Variants in FOXN3 observed in about 807,000 individuals in gnomAD.
The protein encoded by FOXN3 is forkhead box N3.
Under a neutral mutation model 38.4 loss-of-function variants are expected in FOXN3, and 7 were observed. The observed-to-expected ratio is 0.18, with a 90% CI of 0.10 to 0.34. FOXN3 has a LOEUF of 0.34. Among genes scored for constraint, FOXN3 ranks in the 10% least tolerant of loss-of-function variants. The probability of loss-of-function intolerance (pLI) is 1.00; values close to 1 mark genes in which losing one functional copy is unlikely to be tolerated. For missense variants in FOXN3, 456 were observed against 613.4 expected (o/e 0.74, Z 2.71); for synonymous variants, 230 against 242.2 (o/e 0.95, Z 0.47).
chr14:89,348,158 A>G (rs1888824234), intron 3 of FOXN3, among the ~76,000 whole-genome samples: 2 of 151,782 alleles, frequency 1.3e-5, no homozygotes, highest in Admixed American at 1.3e-4. Context: ...TAGTATAATC[A>G]CCATCTTCTT....
intron 1 of FOXN3, among the ~76,000 whole-genome samples, chr14:89,568,261 C>T (rs1023034931): frequency 1.3e-5 from 2 of 152,178 alleles, no homozygotes; most frequent in Non-Finnish European, 2.9e-5. Context: ...ACCTGGTCTC[C>T]GTGACTGCAC....
intron 2 of FOXN3, among the ~76,000 whole-genome samples, chr14:89,402,434 C>T (rs1891273869): frequency 6.6e-6 from 1 of 152,220 alleles, no homozygotes; most frequent in Non-Finnish European, 1.5e-5. Flanking sequence ...GTAACATTTG[C>T]CTCCTAAACA....
At chr14:89,415,847 TAC>T (rs5810462) in intron 1 of FOXN3, among the ~76,000 whole-genome samples, 7,190 of 140,424 alleles carry the variant, frequency 0.051, 220 homozygotes, top group African/African-American at 0.059. Context: ...AACTTTTCTC[TAC>T]ACACACACAC....
chr14:89,416,724 C>T (rs1231542128), intron 1 of FOXN3, 147 bp downstream of exon 1: 7 of 152,280 alleles, frequency 4.6e-5, no homozygotes, highest in Non-Finnish European at 8.8e-5. Context: ...TCCCGGGGTC[C>T]ACACCCGACC....
chr14:89,378,863 C>T (rs764229353), intron 2 of FOXN3, among the ~76,000 whole-genome samples: 9 of 152,072 alleles, frequency 5.9e-5, no homozygotes, highest in Admixed American at 6.5e-5. Flanking sequence ...CACACCACCA[C>T]GTCCAGCTAA....
At chr14:89,478,839 C>T (rs181802103) in intron 1 of FOXN3, among the ~76,000 whole-genome samples, 8 of 145,970 alleles carry the variant, frequency 5.5e-5, no homozygotes, top group African/African-American at 1.0e-4. Flanking sequence ...GGCTGAGGCA[C>T]GAGAATCGCT....
intron 2 of FOXN3, among the ~76,000 whole-genome samples, chr14:89,395,231 G>C (rs1428603265): frequency 6.6e-6 from 1 of 152,176 alleles, no homozygotes; most frequent in Non-Finnish European, 1.5e-5. Context: ...GTCCCCTGTG[G>C]CAAGTAGTTC....
Position 89,162,698 on chromosome 14 carries a change from C to T in FOXN3, c.1123G>A (p.Asp375Asn), listed in dbSNP as rs149344132. ...GGCTCCTTCTGGCTGTGCTTCCTGT[C>T]GTCCTCTTCCGTGTCGCTGGGGCTC... ...HESPSDTEED[D>N]RKHSQKEPKD... The change falls in exon 6 of 6, where the codon GAC becomes AAC. Residue 375 changes from aspartate (D) to asparagine (N), a missense_variant. By Grantham distance (23) the Asp-to-Asn change is conservative. Around this residue, in one of 3 missense-constraint regions of FOXN3, gnomAD observed 386 missense variants for 505.2 expected, o/e 0.76. Coordinates refer to ENST00000557258, the MANE Select transcript of FOXN3 (RefSeq NM_005197.4). This position sits in a 1 kb window ranked among gnomAD's most constrained non-coding sequence, Gnocchi z 7.2. 435 of 1,614,024 alleles carry T rather than the reference C, an allele frequency of 2.7e-4. 1 individual carries two copies. Among genetic ancestry groups the T allele is most frequent in the Middle Eastern group, 9.9e-4 (6 of 6,062 alleles).
At chr14:89,522,746 T>A (rs564930015) in intron 1 of FOXN3, among the ~76,000 whole-genome samples, 2 of 144,620 alleles carry the variant, frequency 1.4e-5, no homozygotes, top group African/African-American at 2.6e-5. Context: ...GCTATTAAAG[T>A]AAACAAAGGA....
rs150302753 is a variant in FOXN3, at chr14:89,164,057, T to C, written c.852-1088A>G. On this transcript the variant is annotated intron_variant, in intron 5 of 5. Transcript: ENST00000557258. The surrounding 1 kb of genome is among the most constrained non-coding windows in gnomAD (Gnocchi z 4.3). ...GAATAGTAACTACACCTGCTCCCCG[T>C]GGGTGTGGGGCTGAGGACACGAATT... 2.1e-3 allele frequency among the ~76,000 whole-genome samples: 318 copies of C among 152,332 alleles called. 3 individuals are homozygous for C. Among genetic ancestry groups the C allele is most frequent in the African/African-American group, 7.2e-3 (301 of 41,574 alleles).
chr14:89,268,978 T>C (rs1886065813), intron 4 of FOXN3, among the ~76,000 whole-genome samples: 1 of 152,206 alleles, frequency 6.6e-6, no homozygotes, highest in South Asian at 2.1e-4. Flanking sequence ...TCCCAGAGCC[T>C]GAGAAATACA....
chr14:89,378,044 T>C (rs1890534112), intron 2 of FOXN3, among the ~76,000 whole-genome samples: 1 of 152,186 alleles, frequency 6.6e-6, no homozygotes, highest in Non-Finnish European at 1.5e-5. Flanking sequence ...TCCAGAACTG[T>C]GAGAAAATAA....
In FOXN3 at chr14:89,614,292, A is replaced by C. The variant is rs371465772; in HGVS notation, c.-15+4736T>G. Among the ~76,000 whole-genome samples, 22 of 152,308 alleles carry C rather than the reference A, an allele frequency of 1.4e-4. No homozygotes were observed. The East Asian group carries it at 4.2e-3, about 29-fold the overall frequency. ...GAATAAAGCCATGCATTTCCAGCAA[A>C]ATTATAACCAACTAATCTCAAACAC... is the stretch of plus-strand genomic sequence containing the variant. On this transcript the variant is annotated intron_variant, in intron 1 of 6. Transcript: ENST00000345097.
At chr14:89,360,774 T>TCCAGCACCACCTCCACCACCACCACCA (rs1566966455) in intron 2 of FOXN3, among the ~76,000 whole-genome samples, 3 of 34,568 alleles carry the variant, frequency 8.7e-5, no homozygotes, top group Non-Finnish European at 1.6e-4. Flanking sequence ...CACTACCACC[T>TCCAGCACCACCTCCACCACCACCACCA]CCACCACCAC....
chr14:89,606,614 C>T (rs1052112335), intron 1 of FOXN3, among the ~76,000 whole-genome samples: 4 of 152,260 alleles, frequency 2.6e-5, no homozygotes, highest in African/African-American at 9.6e-5. Flanking sequence ...CTTTGGGAGT[C>T]CGAGGTAGGC....
chr14:89,416,389 A>T (rs574666656), intron 1 of FOXN3, among the ~76,000 whole-genome samples: 19 of 152,180 alleles, frequency 1.2e-4, no homozygotes, highest in Admixed American at 1.2e-3. Context: ...CCGTCCCCCA[A>T]CTTATCCAGG....
chr14:89,160,664 A>T lies in FOXN3; in HGVS notation c.*1750T>A, dbSNP rs1887075975. On this transcript the variant is annotated 3_prime_UTR_variant, in exon 6 of 6. Transcript: ENST00000557258. ...CTCAAATTATTGCGTCATGTTAAAC[A>T]TGTACAGACAGAGAGAAAGGACACA... is the stretch of plus-strand genomic sequence containing the variant. 6.6e-6 allele frequency: 1 copy of T among 152,662 alleles called. No homozygotes were observed. Among genetic ancestry groups the T allele is most frequent in the Admixed American group, 6.5e-5 (1 of 15,290 alleles). 9.5% of individuals were successfully genotyped at this position (152,662 alleles called of 1,614,324 possible).
chr14:89,537,441 TTGGATGGA>T (rs10588872), intron 1 of FOXN3, among the ~76,000 whole-genome samples: 2,346 of 149,676 alleles, frequency 0.016, 27 homozygotes, highest in African/African-American at 0.03. Context: ...CCATGAAATG[TTGGATGGA>T]TGGATGGATG....
chr14:89,177,766 GCAGAACTGTGTT>G (rs1467924950), intron 5 of FOXN3, among the ~76,000 whole-genome samples: 1 of 152,044 alleles, frequency 6.6e-6, no homozygotes, highest in Non-Finnish European at 1.5e-5. Context: ...TCCAGCACTT[GCAGAACTGTGTT>G]CCCTTAGGGG....
Sources: gnomAD v4.1 joint callset for allele counts (sites outside exome capture counted in the v4.1 genomes callset) on GRCh38, gnomAD v4.1.1 for gene constraint, gnomAD v4.1.1 regional missense constraint, Gnocchi (gnomAD v3.1) non-coding constraint, MANE v1.5 for transcripts, NCBI Gene and HGNC (gene_info 2026-07-23, HGNC 2026-07-21) for gene names.